MTMR8: variants seen among roughly 807,000 people sequenced by gnomAD.
MTMR8 encodes myotubularin related protein 8, also known as phosphatidylinositol-3,5-bisphosphate 3-phosphatase MTMR8.
Under a neutral mutation model 39.3 loss-of-function variants are expected in MTMR8, and 65 were observed. That is an observed-to-expected ratio of 1.65 (90% CI 1.35 to 2.03). The LOEUF (loss-of-function observed/expected upper bound fraction) is 2.03. Ranked by LOEUF, MTMR8 falls within the 30% of genes most tolerant of loss-of-function variation. The pLI is 0.00. For missense variants in MTMR8, 777 were observed against 538.9 expected, an observed-to-expected ratio of 1.44 and a Z score of -4.37; for synonymous variants, 245 against 185.2, an observed-to-expected ratio of 1.32 and a Z score of -2.62.
chrX:64,303,561 G>A (rs959735038), intron 12 of MTMR8, among the ~76,000 whole-genome samples: 2 of 112,165 alleles, frequency 1.8e-5, no homozygotes, highest in African/African-American at 6.5e-5. Flanking sequence ...CAATACTTGT[G>A]CTCAAAGGGG....
chrX:64,389,783 A>G (rs1364403687), intron 1 of MTMR8, among the ~76,000 whole-genome samples: 3 of 112,046 alleles, frequency 2.7e-5, no homozygotes, highest in Non-Finnish European at 5.6e-5. Flanking sequence ...CCCTCATCAT[A>G]CCTTATCTTA....
chrX:64,339,957 C>T (rs1379767147), intron 8 of MTMR8, among the ~76,000 whole-genome samples: 1 of 111,739 alleles, frequency 8.9e-6, no homozygotes, highest in Non-Finnish European at 1.9e-5. Context: ...GACTGGGAGC[C>T]AACCAAAAAC....
chrX:64,280,133 G>A (rs956005821), intron 12 of MTMR8, among the ~76,000 whole-genome samples: 1 of 111,884 alleles, frequency 8.9e-6, no homozygotes, highest in African/African-American at 3.2e-5. Context: ...AGAGGAAATG[G>A]TACCATTCCT....
rs1345905767 is a variant in MTMR8, at chrX:64,275,433, C to T, written c.1482-4360G>A. On this transcript the variant is annotated intron_variant, in intron 12 of 13. Coordinates refer to ENST00000374852, the MANE Select transcript of MTMR8 (RefSeq NM_017677.4). ...AGGTGGGGCCAGGTGCAGTGGCTCA[C>T]GTCTATAATCCCAGCACCTTGGGAG... Among the ~76,000 whole-genome samples, 3 of 109,517 alleles carry T rather than the reference C, an allele frequency of 2.7e-5. No homozygotes were observed. In the Admixed American group the frequency reaches 2.9e-4, roughly 11 times the overall value.
intron 12 of MTMR8, among the ~76,000 whole-genome samples, chrX:64,315,147 A>G (rs1299139860): frequency 8.9e-6 from 1 of 111,735 alleles, no homozygotes; most frequent in Non-Finnish European, 1.9e-5. Flanking sequence ...GCTGCCCCTA[A>G]CACTTCTCTA....
At chrX:64,277,795 G>A (rs1026636896) in intron 12 of MTMR8, among the ~76,000 whole-genome samples, 1 of 111,266 alleles carries the variant, frequency 9.0e-6, no homozygotes, top group Non-Finnish European at 1.9e-5. Context: ...GGTTGGGGAA[G>A]TTCTCCTGGA....
At chrX:64,365,724 A>G (rs1478913831) in intron 1 of MTMR8, among the ~76,000 whole-genome samples, 2 of 111,851 alleles carry the variant, frequency 1.8e-5, no homozygotes, top group Non-Finnish European at 3.8e-5. Context: ...ATGACCAGCT[A>G]ACATCATAAT....
chrX:64,311,263 A>G (rs1922288799), intron 12 of MTMR8, among the ~76,000 whole-genome samples: 1 of 111,352 alleles, frequency 9.0e-6, no homozygotes, highest in Non-Finnish European at 1.9e-5. Context: ...GATGACGAGC[A>G]TTTTTTCATG....
chrX:64,305,131 T>C, intron 12 of MTMR8: 2 of 210,124 alleles, frequency 9.5e-6, no homozygotes, highest in Non-Finnish European at 1.9e-5. Context: ...AAGGCTAAGA[T>C]CTTCATCAAT....
intron 4 of MTMR8, among the ~76,000 whole-genome samples, chrX:64,353,292 C>T (rs1334258370): frequency 8.9e-6 from 1 of 111,883 alleles, no homozygotes; most frequent in African/African-American, 3.2e-5. Context: ...AAACAACCAA[C>T]AAAGTGAAAA....
intron 12 of MTMR8, among the ~76,000 whole-genome samples, chrX:64,310,129 G>A (rs768840028): frequency 6.2e-5 from 7 of 112,049 alleles, no homozygotes; most frequent in East Asian, 5.6e-4. Context: ...AACTGGAGAC[G>A]ATCCTCTGAA....
intron 6 of MTMR8, among the ~76,000 whole-genome samples, chrX:64,348,422 C>T (rs1008367263): frequency 4.5e-5 from 5 of 111,551 alleles, no homozygotes; most frequent in African/African-American, 1.3e-4. Context: ...CTATGCAGGA[C>T]GTCACACTGA....
intron 1 of MTMR8, among the ~76,000 whole-genome samples, chrX:64,377,132 G>C (rs1276549477): frequency 8.9e-6 from 1 of 112,465 alleles, no homozygotes; most frequent in African/African-American, 3.2e-5. Flanking sequence ...TGGATGTCCA[G>C]GCAGAAGTCT....
At chrX:64,289,322 T>C (rs1299923705) in intron 12 of MTMR8, among the ~76,000 whole-genome samples, 1 of 110,922 alleles carries the variant, frequency 9.0e-6, no homozygotes, top group Non-Finnish European at 1.9e-5. Flanking sequence ...CCACTGCTGT[T>C]GGGAATATAA....
intron 10 of MTMR8, among the ~76,000 whole-genome samples, chrX:64,334,195 C>T (rs1226484032): frequency 9.0e-6 from 1 of 110,605 alleles, no homozygotes; most frequent in East Asian, 2.8e-4. Context: ...CTCCTGGATG[C>T]CCTATGCCAA....
At chrX:64,348,867 G>C (rs1236103231) in intron 5 of MTMR8, 73 bp from the exon 6 acceptor site, 1 of 1,104,104 alleles carries the variant, frequency 9.1e-7, no homozygotes, top group Non-Finnish European at 1.2e-6. Flanking sequence ...ACCCTTGCCA[G>C]GTTCCATGAG....
chrX:64,294,783 C>T (rs1407484442), intron 12 of MTMR8, among the ~76,000 whole-genome samples: 16 of 111,492 alleles, frequency 1.4e-4, no homozygotes, highest in Non-Finnish European at 1.9e-5. Context: ...TATAAGGGAA[C>T]TAATCCCATT....
chrX:64,360,390 CAAA>C (rs60554048), intron 1 of MTMR8: 1,040 of 184,593 alleles, frequency 5.6e-3, no homozygotes, highest in Admixed American at 9.2e-3. Flanking sequence ...TCAAGCAGAC[CAAA>C]AAAAAAAAAA....
chrX:64,278,463 T>G (rs1464394606), intron 12 of MTMR8, among the ~76,000 whole-genome samples: 2 of 18,494 alleles, frequency 1.1e-4, no homozygotes, highest in African/African-American at 2.7e-4. Context: ...TTTGCTGGTT[T>G]TTTTTTTTTT....
Sources: gnomAD v4.1 joint callset for allele counts (sites outside exome capture counted in the v4.1 genomes callset) on GRCh38, gnomAD v4.1.1 for gene constraint, MANE v1.5 for transcripts, NCBI Gene and HGNC (gene_info 2026-07-23, HGNC 2026-07-21) for gene names.